Variants in PRTFDC1 observed in about 807,000 individuals in gnomAD.
The protein encoded by PRTFDC1 is phosphoribosyltransferase domain-containing protein 1.
A neutral mutation model predicts 34.6 loss-of-function variants in PRTFDC1; 38 were observed. The observed-to-expected ratio is 1.10, with a 90% CI of 0.85 to 1.44. PRTFDC1 has a LOEUF of 1.44. PRTFDC1 is among the 40% of genes most tolerant of loss of function. PRTFDC1 has a pLI of 0.00. For synonymous variants in PRTFDC1, 93 were observed against 98.1 expected, an observed-to-expected ratio of 0.95 and a Z score of 0.31; for missense variants, 270 against 283.0, an observed-to-expected ratio of 0.95 and a Z score of 0.33.
chr10:24,861,136 A>G (rs1847673753), intron 4 of PRTFDC1, among the ~76,000 whole-genome samples: 1 of 152,208 alleles, frequency 6.6e-6, no homozygotes, highest in Non-Finnish European at 1.5e-5. Context: ...ACTGATATTG[A>G]GAGATATTGA....
chr10:24,949,805 G>A (rs1012474860), intron 1 of PRTFDC1, among the ~76,000 whole-genome samples: 7 of 151,284 alleles, frequency 4.6e-5, no homozygotes, highest in Admixed American at 1.3e-4. Flanking sequence ...TGCAATCTTG[G>A]ATTGCTGCAA....
chr10:24,905,317 ATTTTTT>A (rs59569885), intron 3 of PRTFDC1, among the ~76,000 whole-genome samples: 2 of 87,280 alleles, frequency 2.3e-5, no homozygotes. Flanking sequence ...TGTCTCAAGA[ATTTTTT>A]TTTTTTTTTT....
chr10:24,924,294 TAC>T (rs1383825262), intron 3 of PRTFDC1, among the ~76,000 whole-genome samples: 4 of 151,968 alleles, frequency 2.6e-5, no homozygotes, highest in African/African-American at 9.7e-5. Flanking sequence ...ATTCAGGAAA[TAC>T]AGAGAACACC....
chr10:24,890,102 C>T (rs189260959), intron 3 of PRTFDC1, among the ~76,000 whole-genome samples: 1 of 152,298 alleles, frequency 6.6e-6, no homozygotes, highest in East Asian at 1.9e-4. Context: ...GTTCCAGGAC[C>T]CCTAAGGAAA....
At chr10:24,866,919 A>T (rs903623565) in intron 4 of PRTFDC1, among the ~76,000 whole-genome samples, 1 of 151,988 alleles carries the variant, frequency 6.6e-6, no homozygotes, top group African/African-American at 2.4e-5. Context: ...AGAACAAAAA[A>T]AGCAAGGAAG....
chr10:24,948,990 CT>C (rs1010528082), intron 1 of PRTFDC1, among the ~76,000 whole-genome samples: 2 of 152,192 alleles, frequency 1.3e-5, no homozygotes, highest in African/African-American at 4.8e-5. Flanking sequence ...GGGTGATTTA[CT>C]TAATCTCTCA....
At chr10:24,890,628 A>C (rs891577795) in intron 3 of PRTFDC1, among the ~76,000 whole-genome samples, 13 of 152,216 alleles carry the variant, frequency 8.5e-5, no homozygotes, top group African/African-American at 2.9e-4. Context: ...GTGGCAGGGA[A>C]GAGGGAACAG....
At chr10:24,899,083 G>A (rs1388574103) in intron 3 of PRTFDC1, among the ~76,000 whole-genome samples, 1 of 152,118 alleles carries the variant, frequency 6.6e-6, no homozygotes, top group Admixed American at 6.6e-5. Flanking sequence ...ACCAGTCTAT[G>A]GCACTTTGTT....
At chr10:24,889,292 C>T (rs1848223290) in intron 3 of PRTFDC1, among the ~76,000 whole-genome samples, 1 of 152,040 alleles carries the variant, frequency 6.6e-6, no homozygotes, top group Non-Finnish European at 1.5e-5. Context: ...AGTGGGCCCT[C>T]ACCACACACT....
chr10:24,924,649 G>A (rs955857730), intron 3 of PRTFDC1, among the ~76,000 whole-genome samples: 1 of 152,042 alleles, frequency 6.6e-6, no homozygotes, highest in Non-Finnish European at 1.5e-5. Flanking sequence ...ATCAAAAAGT[G>A]GGCAAAAGAC....
intron 4 of PRTFDC1, among the ~76,000 whole-genome samples, chr10:24,869,117 T>G (rs538998791): frequency 1.3e-5 from 2 of 152,272 alleles, no homozygotes; most frequent in Non-Finnish European, 2.9e-5. Flanking sequence ...TGCCATTGAA[T>G]AGTGGGGCTT....
chr10:24,948,496 C>G (rs1409867416), intron 1 of PRTFDC1, among the ~76,000 whole-genome samples: 1 of 152,176 alleles, frequency 6.6e-6, no homozygotes, highest in Non-Finnish European at 1.5e-5. Context: ...GCATTTGCTA[C>G]CATTTATTGT....
chr10:24,866,046 G>A (rs909203252), intron 4 of PRTFDC1, among the ~76,000 whole-genome samples: 3 of 152,026 alleles, frequency 2.0e-5, no homozygotes, highest in South Asian at 2.1e-4. Flanking sequence ...GGCAGTTTCC[G>A]ATGCTTCACT....
chr10:24,952,564 G>C lies in PRTFDC1; in HGVS notation c.12C>G (p.Ser4Arg), dbSNP rs1564324125. The C allele has an allele frequency of 1.9e-6, 3 of 1,592,106 alleles. No homozygotes were observed. The highest frequency in any genetic ancestry group is 1.7e-4 in the Middle Eastern group (1 of 6,036). ...GCCCGTAGTCTGGCGCCTCCTCGCT[G>C]CTCCCGGCCATGTTTCTCCCGGGGA... MAGSSEEAPDYGRG... is the reference protein window; with the variant it reads MAGRSEEAPDYGRG... The change falls in exon 1 of 9, where the codon AGC becomes AGG. Residue 4 changes from serine to arginine, a missense_variant. Coordinates refer to ENST00000320152, the MANE Select transcript of PRTFDC1 (RefSeq NM_020200.7). The surrounding 1 kb of genome is among the most constrained non-coding windows in gnomAD (Gnocchi z 5.1).
chr10:24,902,204 T>C (rs1848461588), intron 3 of PRTFDC1, among the ~76,000 whole-genome samples: 1 of 152,118 alleles, frequency 6.6e-6, no homozygotes, highest in Non-Finnish European at 1.5e-5. Flanking sequence ...AGGATTTTTT[T>C]TTTTTCTCCT....
intron 3 of PRTFDC1, among the ~76,000 whole-genome samples, chr10:24,914,458 A>G (rs1848666726): frequency 6.6e-6 from 1 of 152,200 alleles, no homozygotes. Flanking sequence ...GAAGAAAAAC[A>G]CAGAAGAAAG....
intron 1 of PRTFDC1, among the ~76,000 whole-genome samples, chr10:24,949,771 C>T (rs1199425313): frequency 1.4e-5 from 2 of 147,240 alleles, no homozygotes; most frequent in Non-Finnish European, 3.0e-5. Context: ...AGGAGTTTCA[C>T]TCTTGTTGCC....
chr10:24,910,909 G>A (rs10764510), intron 3 of PRTFDC1, among the ~76,000 whole-genome samples: 38,397 of 130,844 alleles, frequency 0.29, 5,932 homozygotes, highest in Middle Eastern at 0.43. Flanking sequence ...TTTTTTTTTT[G>A]CAACCTCCAC....
Position 24,911,123 on chromosome 10 carries a change from G to C in PRTFDC1, c.339+26061C>G, listed in dbSNP as rs554537060. Among the ~76,000 whole-genome samples, 18 of 152,190 alleles carry C rather than the reference G, an allele frequency of 1.2e-4. No homozygotes were observed. In the South Asian group the frequency reaches 3.7e-3, roughly 32 times the overall value. On this transcript the variant is annotated intron_variant, in intron 3 of 8. Transcript: ENST00000320152. ...GGTATAATTTACATATGCCATTTTT[G>C]AGAATATAATTCAATGAGTTATGAT... is the stretch of plus-strand genomic sequence containing the variant.
Sources: gnomAD v4.1 joint callset for allele counts (sites outside exome capture counted in the v4.1 genomes callset) on GRCh38, gnomAD v4.1.1 for gene constraint, Gnocchi (gnomAD v3.1) non-coding constraint, MANE v1.5 for transcripts, NCBI Gene and HGNC (gene_info 2026-07-23, HGNC 2026-07-21) for gene names.